RABGGTA: variants seen among roughly 807,000 people sequenced by gnomAD.
RABGGTA encodes geranylgeranyl transferase type-2 subunit alpha.
A neutral mutation model predicts 83.3 loss-of-function variants in RABGGTA; 69 were observed. That is an observed-to-expected ratio of 0.83 (90% confidence interval 0.68 to 1.01). The LOEUF (loss-of-function observed/expected upper bound fraction) is 1.01. RABGGTA is among the 50% of genes least tolerant of loss of function. RABGGTA has a pLI of 0.00. For synonymous variants in RABGGTA, 310 were observed against 299.8 expected (o/e 1.03, Z -0.35); for missense variants, 681 against 712.7 (o/e 0.96, Z 0.51).
At chr14:24,271,043 A>G in intron 2 of RABGGTA, 70 bp downstream of exon 2, 1 of 1,586,142 alleles carries the variant, frequency 6.3e-7, no homozygotes, top group Non-Finnish European at 8.6e-7. Flanking sequence ...ATACGGGGCA[A>G]CCATGGCACT....
Position 24,270,147 on chromosome 14 carries a change from C to T in RABGGTA, c.240-7G>A, listed in dbSNP as rs370610877. 2.8e-5 allele frequency: 45 copies of T among 1,598,676 alleles called. No homozygotes were observed. Among genetic ancestry groups the T allele is most frequent in the Non-Finnish European group, 3.2e-5 (38 of 1,173,420 alleles). Reference sequence around the variant, plus strand: ...AGCCAACTCTTCAGGAGACCTGTACCCAGAAGGGAAGGGGGGGGTCAGGGC... The same window carrying T: ...AGCCAACTCTTCAGGAGACCTGTACTCAGAAGGGAAGGGGGGGGTCAGGGC... On this transcript the variant is annotated splice_polypyrimidine_tract_variant and splice_region_variant and intron_variant, in intron 4 of 16. Coordinates refer to ENST00000216840, the MANE Select transcript of RABGGTA (RefSeq NM_182836.3).
chr14:24,268,219 G>A (rs749561397), intron 11 of RABGGTA, 21 bp from the exon 12 acceptor site: 2 of 1,032,918 alleles, frequency 1.9e-6, no homozygotes, highest in South Asian at 1.3e-5. Context: ...GCAGGGTGGG[G>A]AGGAGTTGAG....
rs1434657047 is a variant in RABGGTA at position 24,267,862 on chromosome 14, G to C, written c.1236+8C>G. On this transcript the variant is annotated splice_region_variant and intron_variant, in intron 13 of 16. Coordinates refer to ENST00000216840, the MANE Select transcript of RABGGTA (RefSeq NM_182836.3). ...CTCCCCCTGGTCTGTTCTGCAGACA[G>C]AACTTGCCTTGAGGGTCTGGAAGTA... The C allele has an allele frequency of 6.2e-7, 1 of 1,613,284 alleles. No homozygotes were observed. Among genetic ancestry groups the C allele is most frequent in the South Asian group, 1.1e-5 (1 of 91,022 alleles).
chr14:24,266,804 G>A lies in RABGGTA; in HGVS notation c.1439C>T (p.Pro480Leu). The change falls in exon 15 of 17, where the codon CCT becomes CTT. Residue 480 changes from proline (P) to leucine (L), a missense_variant. This residue lies in a region of RABGGTA where 421 missense variants were observed against 418.5 expected (regional missense o/e 1.01). Coordinates refer to ENST00000216840, the MANE Select transcript of RABGGTA (RefSeq NM_182836.3). ...LSHNRLRTLP[P>L]ALAALRCLEV... The stretch of plus-strand genomic sequence containing the variant: ...AAGGCAGCGCAGGGCAGCCAGTGCA[G>A]GTGGCAGGGTTCGGAGGCGATTGTG... 3 of 1,613,948 alleles carry A rather than the reference G, an allele frequency of 1.9e-6. No homozygotes were observed. Among genetic ancestry groups the A allele is most frequent in the Non-Finnish European group, 2.5e-6 (3 of 1,179,822 alleles).
At position 24,267,958 on chromosome 14, in the gene RABGGTA, C is replaced by G. The variant is rs982803784; in HGVS notation, c.1148G>C (p.Trp383Ser). The G allele has an allele frequency of 8.1e-6, 13 of 1,613,598 alleles. No homozygotes were observed. Among genetic ancestry groups the G allele is most frequent in the Non-Finnish European group, 1.0e-5 (12 of 1,179,764 alleles). ...ELQELEPENK[W>S]CLLTIILLMR... is the part of the protein sequence containing the mutation. ...CAGCAGGATGATGGTAAGCAGGCAC[C>G]CTGAGGAGAGGGCAGGGAAAAGGAG... Residue 383 changes from tryptophan to serine, a missense_variant and splice_region_variant, in exon 13 of 17, where the codon TGG becomes TCG. Trp to Ser is a radical substitution (Grantham distance 177). This residue lies in a region of RABGGTA where 421 missense variants were observed against 418.5 expected (regional missense o/e 1.01). Coordinates refer to ENST00000216840, the MANE Select transcript of RABGGTA (RefSeq NM_182836.3).
chr14:24,268,819 G>A lies in RABGGTA; in HGVS notation c.806C>T (p.Ser269Phe), dbSNP rs368854695. 2.4e-5 allele frequency: 38 copies of A among 1,565,926 alleles called. No homozygotes were observed. Among genetic ancestry groups the A allele is most frequent in the Non-Finnish European group, 3.1e-5 (36 of 1,155,374 alleles). ...CATGAGCAGCAAGATCTCCATCCTG[G>A]AGCCCACCTGGCACAAAGGACAAAG... is the stretch of plus-strand genomic sequence containing the variant. ...VSFSRPLLVG[S>F]RMEILLLMVD... Residue 269 changes from serine to phenylalanine, a missense_variant, in exon 9 of 17, where the codon TCC becomes TTC. Around this residue, in one of 5 missense-constraint regions of RABGGTA, gnomAD observed 421 missense variants for 418.5 expected, o/e 1.01. Coordinates refer to ENST00000216840, the MANE Select transcript of RABGGTA (RefSeq NM_182836.3).
At position 24,266,774 on chromosome 14, in the gene RABGGTA, A is replaced by C. The variant is rs1594579642; in HGVS notation, c.1467+2T>G. The C allele has an allele frequency of 6.2e-7, 1 of 1,609,000 alleles. No homozygotes were observed. Among genetic ancestry groups the C allele is most frequent in the Non-Finnish European group, 8.5e-7 (1 of 1,175,570 alleles). Reference sequence around the variant, plus strand: ...ACAGGGACGGAGACATGGGTACTTTACCTCAAGGCAGCGCAGGGCAGCCAG... The same window carrying C: ...ACAGGGACGGAGACATGGGTACTTTCCCTCAAGGCAGCGCAGGGCAGCCAG... On this transcript the variant is annotated splice_donor_variant, in intron 15 of 16. Coordinates refer to ENST00000216840, the MANE Select transcript of RABGGTA (RefSeq NM_182836.3). LOFTEE classifies it high-confidence loss of function.
chr14:24,270,411 C>T lies in RABGGTA; in HGVS notation c.162G>A (p.Gln54=), dbSNP rs772274959. 1.2e-6 allele frequency: 2 copies of T among 1,614,032 alleles called. No individual in the cohort carries two copies. Among genetic ancestry groups the T allele is most frequent in the Admixed American group, 1.7e-5 (1 of 60,022 alleles). ...CAAAATCAGGGTTGGCTCCCAGAAT[C>T]TGGCTTGTCAGTTCCAGCACGGACT... ...LDESVLELTS[Q]ILGANPDFAT... is the part of the protein sequence containing the mutation. The change falls in exon 4 of 17, where the codon CAG becomes CAA. Residue 54 remains glutamine, a synonymous_variant. Transcript: ENST00000216840.
intron 14 of RABGGTA, among the ~76,000 whole-genome samples, chr14:24,267,133 C>T (rs1008486881): frequency 3.9e-5 from 6 of 151,984 alleles, no homozygotes; most frequent in African/African-American, 7.3e-5. Context: ...GCCTGGAGTT[C>T]GGAGGTACAG....
intron 7 of RABGGTA, 41 bp from the exon 8 acceptor site, chr14:24,269,034 A>G: frequency 6.3e-7 from 1 of 1,582,396 alleles, no homozygotes; most frequent in Non-Finnish European, 8.6e-7. Context: ...ACCCTCTCCC[A>G]TTCCTATTAA....
intron 14 of RABGGTA, among the ~76,000 whole-genome samples, chr14:24,267,117 G>A (rs796995241): frequency 6.6e-6 from 1 of 152,182 alleles, no homozygotes; most frequent in African/African-American, 2.4e-5. Flanking sequence ...GGGTGAGGAG[G>A]AGGAGGCCTG....
Position 24,270,143 on chromosome 14 carries a change from G to A in RABGGTA, c.240-3C>T, listed in dbSNP as rs777238501. On this transcript the variant is annotated splice_polypyrimidine_tract_variant and splice_region_variant and intron_variant, in intron 4 of 16. Transcript: ENST00000216840. ...GAGCAGCCAACTCTTCAGGAGACCT[G>A]TACCCAGAAGGGAAGGGGGGGGTCA... is the stretch of plus-strand genomic sequence containing the variant. The A allele has an allele frequency of 6.2e-7, 1 of 1,600,310 alleles. No homozygotes were observed. The highest frequency in any genetic ancestry group is 8.5e-7 in the Non-Finnish European group (1 of 1,174,126).
intron 15 of RABGGTA, 50 bp from the exon 16 acceptor site, chr14:24,266,567 T>G: frequency 6.4e-7 from 1 of 1,561,528 alleles, no homozygotes; most frequent in South Asian, 1.1e-5. Flanking sequence ...CAGCCAGGGA[T>G]GGTTCAGCAA....
In RABGGTA at chr14:24,270,074, C is replaced by A; in HGVS notation, c.306G>T (p.Val102=). The A allele has an allele frequency of 6.2e-7, 1 of 1,611,526 alleles. No homozygotes were observed. The highest frequency in any genetic ancestry group is 1.1e-5 in the South Asian group (1 of 90,610). The change falls in exon 5 of 17, where the codon GTG becomes GTT. Residue 102 remains valine (V), a synonymous_variant. Transcript: ENST00000216840. ...ELGFLESCLR[V]NPKSYGTWHH... is the part of the protein sequence containing the mutation. The stretch of plus-strand genomic sequence containing the variant: ...GCCAGGTACCATAAGACTTGGGGTT[C>A]ACCCGCAGGCAGCTCTCCAGGAAGC...
Position 24,268,985 on chromosome 14 carries a change from G to C in RABGGTA, c.724C>G (p.Gln242Glu). The C allele has an allele frequency of 6.3e-7, 1 of 1,585,476 alleles. No homozygotes were observed. The highest frequency in any genetic ancestry group is 8.6e-7 in the Non-Finnish European group (1 of 1,164,824). ...ACATGCAGGCAGCGCAGTGCATCCTGGGGGTCAGCTGCGGGGAGACAGTGT... is the reference window on the plus strand; with the variant it reads ...ACATGCAGGCAGCGCAGTGCATCCTCGGGGTCAGCTGCGGGGAGACAGTGT... ...HRWLLGRADP[Q>E]DALRCLHVSR... The change falls in exon 8 of 17, where the codon CAG (glutamine) becomes GAG (glutamate). Residue 242 changes from glutamine to glutamate, a missense_variant. Coordinates refer to ENST00000216840, the MANE Select transcript of RABGGTA (RefSeq NM_182836.3).
intron 16 of RABGGTA, among the ~76,000 whole-genome samples, chr14:24,266,105 C>T (rs1288300852): frequency 6.6e-6 from 1 of 152,202 alleles, no homozygotes. Flanking sequence ...CTCTAACTTC[C>T]AATTTTTAAG....
At chr14:24,266,625 G>C (rs773209667) in intron 15 of RABGGTA, 108 bp from the exon 16 acceptor site, 1 of 1,269,144 alleles carries the variant, frequency 7.9e-7, no homozygotes, top group Non-Finnish European at 1.1e-6. Flanking sequence ...GGGGCTCACA[G>C]GGTCAGGCTG....
At chr14:24,266,963 T>C (rs1221304482) in intron 14 of RABGGTA, 74 bp from the exon 15 acceptor site, 22 of 1,098,562 alleles carry the variant, frequency 2.0e-5, no homozygotes, top group Admixed American at 5.4e-5. Context: ...CCAGCATTTA[T>C]TAGGCACATG....
intron 7 of RABGGTA, 43 bp downstream of exon 7, chr14:24,269,037 C>T (rs1158738944): frequency 1.0e-5 from 16 of 1,583,194 alleles, no homozygotes; most frequent in Non-Finnish European, 1.4e-5. Context: ...CTCTCCCATT[C>T]CTATTAAGCG....
Sources: allele counts gnomAD v4.1 joint callset (sites outside exome capture counted in the v4.1 genomes callset), GRCh38; gene constraint gnomAD v4.1.1; regional missense constraint gnomAD v4.1.1; transcripts MANE v1.5; gene names NCBI Gene and HGNC (gene_info 2026-07-23, HGNC 2026-07-21).